Variants in CSMD1 observed in about 807,000 individuals in gnomAD.
CSMD1 encodes CUB and Sushi multiple domains 1.
A neutral mutation model predicts 417.5 loss-of-function variants in CSMD1; 213 were observed. That is an observed-to-expected ratio of 0.51 (90% CI 0.46 to 0.57). The LOEUF is 0.57. CSMD1 is among the 20% of genes least tolerant of loss of function. CSMD1 has a pLI of 0.00. For missense variants in CSMD1, 6,923 were observed against 4,529.7 expected, an observed-to-expected ratio of 1.53 and a Z score of -15.17; for synonymous variants, 2,862 against 1,736.8, an observed-to-expected ratio of 1.65 and a Z score of -16.11.
intron 3 of CSMD1, among the ~76,000 whole-genome samples, chr8:4,165,864 G>C (rs557254506): frequency 2.0e-4 from 31 of 152,304 alleles, no homozygotes; most frequent in Admixed American, 5.2e-4. Context: ...GAAAGTAAAA[G>C]CAAATTACTT....
chr8:4,323,497 C>G (rs1799384333), intron 3 of CSMD1, among the ~76,000 whole-genome samples: 1 of 152,056 alleles, frequency 6.6e-6, no homozygotes, highest in Non-Finnish European at 1.5e-5. Flanking sequence ...TCTCTGAAAC[C>G]TGTTATCAGA....
chr8:3,908,615 T>C (rs1009292481), intron 5 of CSMD1, among the ~76,000 whole-genome samples: 4 of 152,030 alleles, frequency 2.6e-5, no homozygotes, highest in Non-Finnish European at 4.4e-5. Flanking sequence ...TTTAAGAACA[T>C]TGCTTAAAAA....
chr8:3,726,493 G>C (rs1014690714), intron 6 of CSMD1, among the ~76,000 whole-genome samples: 17 of 152,092 alleles, frequency 1.1e-4, no homozygotes, highest in Admixed American at 9.2e-4. Flanking sequence ...TTAAACCAGA[G>C]ATGAGAGGCC....
At chr8:3,656,444 G>A (rs1407054840) in intron 7 of CSMD1, among the ~76,000 whole-genome samples, 3 of 152,132 alleles carry the variant, frequency 2.0e-5, no homozygotes, top group African/African-American at 7.2e-5. Context: ...CTTTGTGAGA[G>A]TGAAAAGATG....
At chr8:4,680,636 G>C (rs929638734) in intron 1 of CSMD1, among the ~76,000 whole-genome samples, 1 of 152,138 alleles carries the variant, frequency 6.6e-6, no homozygotes, top group Admixed American at 6.5e-5. Flanking sequence ...CTGGAGTGCA[G>C]TGGCATGATC....
At chr8:3,917,099 T>C (rs956360883) in intron 5 of CSMD1, among the ~76,000 whole-genome samples, 11 of 152,174 alleles carry the variant, frequency 7.2e-5, no homozygotes, top group African/African-American at 2.7e-4. Flanking sequence ...TATTCAGAAT[T>C]TTAAAATCTT....
chr8:4,688,126 G>C (rs1227511233), intron 1 of CSMD1, among the ~76,000 whole-genome samples: 2 of 152,114 alleles, frequency 1.3e-5, no homozygotes, highest in Non-Finnish European at 2.9e-5. Context: ...AGGATTGTAT[G>C]AGGTATTTGA....
intron 3 of CSMD1, among the ~76,000 whole-genome samples, chr8:4,326,546 G>A (rs772855220): frequency 3.9e-5 from 6 of 152,176 alleles, no homozygotes; most frequent in Non-Finnish European, 7.3e-5. Flanking sequence ...TCAAAGGTGG[G>A]CATAAAGGAA....
rs945717462 is a variant in CSMD1, at chr8:3,571,700, G to C, written c.1344+3245C>G. On this transcript the variant is annotated intron_variant, in intron 10 of 69. Coordinates refer to ENST00000635120, the MANE Select transcript of CSMD1 (RefSeq NM_033225.6). ...TGTGTTCCTCCCTCCCCATGCTTGA[G>C]GGTCTTGTGTTCCTCCGTCCCTGTG... is the stretch of plus-strand genomic sequence containing the variant. Among the ~76,000 whole-genome samples, 4 of 152,084 alleles carry C rather than the reference G, an allele frequency of 2.6e-5. No homozygotes were observed. The East Asian group carries it at 7.8e-4, about 30-fold the overall frequency.
intron 1 of CSMD1, among the ~76,000 whole-genome samples, chr8:4,912,794 T>C (rs1271180534): frequency 3.3e-5 from 4 of 121,158 alleles, no homozygotes; most frequent in African/African-American, 6.6e-5. Flanking sequence ...GCTATTTTTT[T>C]TGGAGGGGGG....
At chr8:3,209,987 A>T (rs2116786714) in intron 30 of CSMD1, among the ~76,000 whole-genome samples, 1 of 152,286 alleles carries the variant, frequency 6.6e-6, no homozygotes, top group South Asian at 2.1e-4. Context: ...TCTACAAAAA[A>T]CTTCAATAAG....
At chr8:3,222,210 C>A (rs952936604) in intron 28 of CSMD1, among the ~76,000 whole-genome samples, 1 of 152,032 alleles carries the variant, frequency 6.6e-6, no homozygotes, top group Admixed American at 6.6e-5. Context: ...GTGTATAAAA[C>A]GCAGTGAAAA....
At chr8:4,890,791 T>C (rs1031940315) in intron 1 of CSMD1, among the ~76,000 whole-genome samples, 5 of 152,124 alleles carry the variant, frequency 3.3e-5, no homozygotes, top group African/African-American at 4.8e-5. Context: ...ACCGACCTAA[T>C]ACATTCCGGT....
At chr8:3,559,818 G>T (rs1799392336) in intron 10 of CSMD1, among the ~76,000 whole-genome samples, 1 of 152,042 alleles carries the variant, frequency 6.6e-6, no homozygotes, top group Non-Finnish European at 1.5e-5. Context: ...CAGCTATGAG[G>T]GATTAAAACA....
At chr8:3,300,773 G>A (rs1054676831) in intron 25 of CSMD1, among the ~76,000 whole-genome samples, 2 of 151,546 alleles carry the variant, frequency 1.3e-5, no homozygotes, top group African/African-American at 2.4e-5. Flanking sequence ...CCTGGCAACA[G>A]GGCGAAACCC....
At chr8:4,831,454 G>C (rs1800142684) in intron 1 of CSMD1, among the ~76,000 whole-genome samples, 1 of 152,140 alleles carries the variant, frequency 6.6e-6, no homozygotes, top group Non-Finnish European at 1.5e-5. Flanking sequence ...TACATTCTAT[G>C]TGCCAAGCAT....
chr8:4,760,516 G>C (rs1811970389), intron 1 of CSMD1, among the ~76,000 whole-genome samples: 1 of 152,022 alleles, frequency 6.6e-6, no homozygotes, highest in Non-Finnish European at 1.5e-5. Context: ...TCAATAGAAA[G>C]CTTTTAAATT....
chr8:4,051,308 C>CAAAAAAAAAAA (rs5889012), intron 3 of CSMD1, among the ~76,000 whole-genome samples: 85 of 140,494 alleles, frequency 6.1e-4, no homozygotes, highest in African/African-American at 2.2e-3. Flanking sequence ...TTTGAAGACT[C>CAAAAAAAAAAA]AAAAAAAAAA....
chr8:3,355,112 C>T (rs536232588), intron 21 of CSMD1, among the ~76,000 whole-genome samples: 8 of 151,854 alleles, frequency 5.3e-5, no homozygotes, highest in Non-Finnish European at 1.0e-4. Context: ...TTTTTTATTT[C>T]GCCCAATGAC....
Sources: allele counts gnomAD v4.1 joint callset (sites outside exome capture counted in the v4.1 genomes callset), GRCh38; gene constraint gnomAD v4.1.1; transcripts MANE v1.5; gene names NCBI Gene and HGNC (gene_info 2026-07-23, HGNC 2026-07-21).